MCC: variants seen among roughly 807,000 people sequenced by gnomAD.
The protein encoded by MCC is colorectal mutant cancer protein.
In MCC, 90 loss-of-function variants were observed where a neutral mutation model predicts 116.2. The ratio of observed to expected loss-of-function variants is 0.77; its 90% CI spans 0.65 to 0.92. The LOEUF (loss-of-function observed/expected upper bound fraction) is 0.92. MCC is among the 40% of genes least tolerant of loss of function. MCC has a pLI of 0.00. For missense variants in MCC, 1,516 were observed against 1,312.2 expected, an observed-to-expected ratio of 1.16 and a Z score of -2.40; for synonymous variants, 578 against 510.5, an observed-to-expected ratio of 1.13 and a Z score of -1.78.
At chr5:113,437,850 G>A (rs1460783424) in intron 1 of MCC, among the ~76,000 whole-genome samples, 1 of 152,160 alleles carries the variant, frequency 6.6e-6, no homozygotes, top group Non-Finnish European at 1.5e-5. Flanking sequence ...GAGTGAATAG[G>A]TAAATATATG....
chr5:113,461,350 T>C (rs1442852681), intron 1 of MCC, among the ~76,000 whole-genome samples: 1 of 152,202 alleles, frequency 6.6e-6, no homozygotes, highest in East Asian at 1.9e-4. Flanking sequence ...CAATAGATAC[T>C]ATTAAGCTTC....
intron 3 of MCC, among the ~76,000 whole-genome samples, chr5:113,239,492 T>A (rs1380491891): frequency 1.3e-5 from 2 of 152,106 alleles, no homozygotes; most frequent in Non-Finnish European, 2.9e-5. Flanking sequence ...CTTGTCCTCA[T>A]ACATTTTTAA....
intron 3 of MCC, among the ~76,000 whole-genome samples, chr5:113,311,050 G>C (rs867391301): frequency 6.6e-6 from 1 of 152,206 alleles, no homozygotes; most frequent in Non-Finnish European, 1.5e-5. Context: ...GGATCACTTG[G>C]ATGCAGGAGT....
chr5:113,181,930 C>T (rs527490308), intron 3 of MCC, among the ~76,000 whole-genome samples: 2 of 152,278 alleles, frequency 1.3e-5, no homozygotes, highest in South Asian at 2.1e-4. Flanking sequence ...TCCAAGGACC[C>T]CATTCCCTAT....
chr5:113,155,238 A>G (rs1344278509), intron 3 of MCC, among the ~76,000 whole-genome samples: 1 of 152,206 alleles, frequency 6.6e-6, no homozygotes, highest in Non-Finnish European at 1.5e-5. Context: ...TGGCTGAATA[A>G]TATTCCACTG....
At chr5:113,294,566 C>G in intron 3 of MCC, 1 of 1,284,912 alleles carries the variant, frequency 7.8e-7, no homozygotes, top group Non-Finnish European at 9.8e-7. Flanking sequence ...AAAGAGCAGC[C>G]GTGGCTCGCG....
chr5:113,470,125 C>G, intron 1 of MCC, among the ~76,000 whole-genome samples: 1 of 151,696 alleles, frequency 6.6e-6, no homozygotes, highest in South Asian at 2.1e-4. Flanking sequence ...TGGGTCTTGA[C>G]TCTTTATCCA....
At chr5:113,107,752 C>T (rs933888256) in intron 6 of MCC, among the ~76,000 whole-genome samples, 4 of 152,146 alleles carry the variant, frequency 2.6e-5, no homozygotes, top group Admixed American at 6.5e-5. Context: ...ACTTCCCTAG[C>T]GCAGGTCCAC....
intron 3 of MCC, among the ~76,000 whole-genome samples, chr5:113,166,118 T>C (rs73244729): frequency 2.6e-5 from 4 of 152,262 alleles, no homozygotes; most frequent in Admixed American, 6.5e-5. Flanking sequence ...CTTGTAGACA[T>C]AGCACTAGGA....
At chr5:113,319,368 T>G (rs1435418571) in intron 3 of MCC, among the ~76,000 whole-genome samples, 1 of 152,220 alleles carries the variant, frequency 6.6e-6, no homozygotes, top group African/African-American at 2.4e-5. Context: ...GGCTTTTCTC[T>G]TGATGTAAAC....
Position 113,129,057 on chromosome 5 carries a change from T to C in MCC, c.885-6231A>G, listed in dbSNP as rs75624048. 1.1e-4 allele frequency among the ~76,000 whole-genome samples: 16 copies of C among 152,280 alleles called. No individual in the cohort carries two copies. In the East Asian group the frequency reaches 2.9e-3, roughly 28 times the overall value. ...TAGATAGAGACTCTGGGATGTTTTC[T>C]CTCTCTGTCCTCAAATGAGGGGGCA... On this transcript the variant is annotated intron_variant, in intron 5 of 18. Coordinates refer to ENST00000408903, the MANE Select transcript of MCC (RefSeq NM_001085377.2).
At chr5:113,164,162 T>C (rs1181037207) in intron 3 of MCC, among the ~76,000 whole-genome samples, 1 of 152,172 alleles carries the variant, frequency 6.6e-6, no homozygotes, top group Non-Finnish European at 1.5e-5. Context: ...TGTCCTCTTA[T>C]CCAACAGTCC....
intron 3 of MCC, among the ~76,000 whole-genome samples, chr5:113,328,677 G>A (rs1767625940): frequency 6.6e-6 from 1 of 152,134 alleles, no homozygotes; most frequent in Admixed American, 6.6e-5. Context: ...GCACAATCGT[G>A]TCAGGAGGCC....
intron 6 of MCC, among the ~76,000 whole-genome samples, chr5:113,121,105 A>C (rs1757709952): frequency 6.6e-6 from 1 of 152,178 alleles, no homozygotes; most frequent in African/African-American, 2.4e-5. Context: ...TCCTTCAGCA[A>C]ATCTTGCCAA....
chr5:113,204,112 G>A (rs948770463), intron 3 of MCC, among the ~76,000 whole-genome samples: 3 of 152,252 alleles, frequency 2.0e-5, no homozygotes, highest in South Asian at 4.2e-4. Flanking sequence ...CTACAAACAC[G>A]GTCAAGGAGA....
intron 5 of MCC, among the ~76,000 whole-genome samples, chr5:113,123,043 A>G (rs547064589): frequency 4.6e-5 from 7 of 152,262 alleles, no homozygotes; most frequent in African/African-American, 1.4e-4. Flanking sequence ...AAACATACCC[A>G]TGTACCAAAC....
intron 1 of MCC, among the ~76,000 whole-genome samples, chr5:113,459,990 A>G (rs538556345): frequency 6.6e-6 from 1 of 152,362 alleles, no homozygotes; most frequent in East Asian, 1.9e-4. Context: ...CTTCATCCAC[A>G]TGACATTCAG....
chr5:113,290,167 A>G (rs1766427280), intron 3 of MCC, among the ~76,000 whole-genome samples: 1 of 152,230 alleles, frequency 6.6e-6, no homozygotes, highest in East Asian at 1.9e-4. Context: ...GCATTTCAGG[A>G]GTTACTCAAC....
intron 2 of MCC, among the ~76,000 whole-genome samples, chr5:113,371,614 G>A (rs908607603): frequency 2.0e-5 from 3 of 152,160 alleles, no homozygotes; most frequent in African/African-American, 7.2e-5. Flanking sequence ...GGAGAAAAAT[G>A]TTTTTCTTGT....
Sources: allele counts gnomAD v4.1 joint callset (sites outside exome capture counted in the v4.1 genomes callset), GRCh38; gene constraint gnomAD v4.1.1; transcripts MANE v1.5; gene names NCBI Gene and HGNC (gene_info 2026-07-23, HGNC 2026-07-21).